The following MLLT3 variants were observed in gnomAD, a reference collection of about 807,000 sequenced individuals.
The protein encoded by MLLT3 is protein AF-9.
MLLT3 carries 4 observed loss-of-function variants against 53.2 expected under a neutral mutation model. The observed-to-expected ratio is 0.08, with a 90% CI of 0.04 to 0.17. The LOEUF is 0.17. Among genes scored for constraint, MLLT3 ranks in the 10% least tolerant of loss-of-function variants. The pLI is 1.00. For missense variants in MLLT3, 569 were observed against 684.0 expected, an observed-to-expected ratio of 0.83 and a Z score of 1.87; for synonymous variants, 283 against 230.6, an observed-to-expected ratio of 1.23 and a Z score of -2.06.
intron 4 of MLLT3, among the ~76,000 whole-genome samples, chr9:20,437,862 G>T (rs1485769853): frequency 2.0e-5 from 3 of 152,110 alleles, no homozygotes; most frequent in Non-Finnish European, 2.9e-5. Context: ...TATCTTTTGT[G>T]TGAAATTCCC....
At position 20,343,483 on chromosome 9, in the gene MLLT3, A is replaced by G. The variant is rs570954148; in HGVS notation, c.*2960T>C. 1.3e-5 allele frequency: 3 copies of G among 225,990 alleles called. No individual in the cohort carries two copies. Among genetic ancestry groups the G allele is most frequent in the Non-Finnish European group, 2.6e-5 (3 of 113,608 alleles). The allele number at this position is 225,990 out of a possible 1,614,324, so 14.0% of individuals were successfully genotyped here. A position where few individuals can be genotyped will look rare whatever the true frequency, so the allele number is the denominator to read the frequency against. On this transcript the variant is annotated 3_prime_UTR_variant, in exon 11 of 11. Transcript: ENST00000380338. ...GAGGATGGTGAAGTAACTGCAAAAT[A>G]TTGTTGCTAACATGACTGTTACATC...
At chr9:20,404,438 A>G (rs1822531109) in intron 5 of MLLT3, among the ~76,000 whole-genome samples, 1 of 152,202 alleles carries the variant, frequency 6.6e-6, no homozygotes, top group Non-Finnish European at 1.5e-5. Flanking sequence ...TGCATCTATA[A>G]TAAGGTGAGC....
intron 10 of MLLT3, 44 bp from the exon 11 acceptor site, chr9:20,346,618 C>T (rs1820876946): frequency 1.3e-6 from 2 of 1,590,154 alleles, no homozygotes; most frequent in Non-Finnish European, 1.7e-6. Context: ...ACGCAGCAAA[C>T]ATCAAAAGGC....
intron 7 of MLLT3, among the ~76,000 whole-genome samples, chr9:20,361,945 A>G (rs1032474793): frequency 1.1e-4 from 17 of 152,252 alleles, no homozygotes; most frequent in African/African-American, 3.9e-4. Context: ...ATAGGAAATG[A>G]AAAGGATACA....
chr9:20,342,972 C>T lies in MLLT3; in HGVS notation c.*3471G>A, dbSNP rs1047692368. 9 of 190,360 alleles carry T rather than the reference C, an allele frequency of 4.7e-5. No individual in the cohort carries two copies. The highest frequency in any genetic ancestry group is 7.1e-5 in the African/African-American group (3 of 42,510). 11.8% of individuals were successfully genotyped at this position (190,360 alleles called of 1,614,324 possible). ...ACTTCTACAGTGACAAAAATAAACACGAGCCACCAAACAGACACTGACTGT... is the reference window on the plus strand; with the variant it reads ...ACTTCTACAGTGACAAAAATAAACATGAGCCACCAAACAGACACTGACTGT... On this transcript the variant is annotated 3_prime_UTR_variant, in exon 11 of 11. Coordinates refer to ENST00000380338, the MANE Select transcript of MLLT3 (RefSeq NM_004529.4).
At chr9:20,383,209 T>C (rs1821945861) in intron 5 of MLLT3, among the ~76,000 whole-genome samples, 1 of 151,904 alleles carries the variant, frequency 6.6e-6, no homozygotes, top group Non-Finnish European at 1.5e-5. Flanking sequence ...TAAGATGTGT[T>C]GGTGAGGAGC....
intron 2 of MLLT3, among the ~76,000 whole-genome samples, chr9:20,606,718 A>T (rs1159454682): frequency 1.3e-5 from 2 of 152,042 alleles, no homozygotes; most frequent in African/African-American, 4.8e-5. Context: ...CAAGTAAGCA[A>T]ATCATACAGG....
chr9:20,377,770 T>C (rs1291462641), intron 5 of MLLT3, among the ~76,000 whole-genome samples: 1 of 152,102 alleles, frequency 6.6e-6, no homozygotes, highest in African/African-American at 2.4e-5. Flanking sequence ...GTTTATTTTA[T>C]TTGCTAAGAA....
At chr9:20,365,170 G>C (rs1176607410) in intron 6 of MLLT3, among the ~76,000 whole-genome samples, 2 of 152,198 alleles carry the variant, frequency 1.3e-5, no homozygotes. Context: ...TCTGATGGCA[G>C]GGACCGGAAA....
chr9:20,453,343 T>C (rs1823883473), intron 3 of MLLT3, among the ~76,000 whole-genome samples: 1 of 152,124 alleles, frequency 6.6e-6, no homozygotes, highest in Non-Finnish European at 1.5e-5. Context: ...GGCAGATCAC[T>C]TGAGCCCAGG....
chr9:20,572,599 G>A (rs562280080), intron 2 of MLLT3, among the ~76,000 whole-genome samples: 64 of 152,310 alleles, frequency 4.2e-4, no homozygotes, highest in African/African-American at 1.4e-3. Context: ...TTCGAGGCCA[G>A]CCTGGCCAAA....
intron 2 of MLLT3, chr9:20,532,667 T>C (rs1008495289): frequency 3.8e-6 from 1 of 263,344 alleles, no homozygotes; most frequent in African/African-American, 2.3e-5. Flanking sequence ...CCTAAGAATT[T>C]TGGCATTGGA....
chr9:20,597,199 G>C (rs1031866471), intron 2 of MLLT3, among the ~76,000 whole-genome samples: 7 of 151,848 alleles, frequency 4.6e-5, no homozygotes, highest in African/African-American at 7.3e-5. Context: ...TCAATTCATA[G>C]GGATCATTAG....
intron 2 of MLLT3, among the ~76,000 whole-genome samples, chr9:20,485,545 T>C (rs1446342209): frequency 6.6e-6 from 1 of 152,200 alleles, no homozygotes; most frequent in Non-Finnish European, 1.5e-5. Flanking sequence ...CTACACTTGT[T>C]TATTTCTCAC....
intron 2 of MLLT3, among the ~76,000 whole-genome samples, chr9:20,470,148 C>G (rs1173374659): frequency 6.6e-6 from 1 of 151,924 alleles, no homozygotes; most frequent in Non-Finnish European, 1.5e-5. Flanking sequence ...GGGTATTTAA[C>G]TAAAAGATGA....
intron 5 of MLLT3, among the ~76,000 whole-genome samples, chr9:20,386,516 G>C (rs754801763): frequency 1.6e-4 from 24 of 152,222 alleles, no homozygotes; most frequent in Non-Finnish European, 1.2e-4. Context: ...GCTTTGTTTG[G>C]AGGCCCAGTC....
At chr9:20,476,245 C>T (rs1212106682) in intron 2 of MLLT3, among the ~76,000 whole-genome samples, 1 of 152,106 alleles carries the variant, frequency 6.6e-6, no homozygotes, top group Non-Finnish European at 1.5e-5. Context: ...AATGCATACA[C>T]TCTTCAGATT....
At chr9:20,537,883 T>A (rs1818526764) in intron 2 of MLLT3, among the ~76,000 whole-genome samples, 1 of 152,198 alleles carries the variant, frequency 6.6e-6, no homozygotes, top group African/African-American at 2.4e-5. Context: ...TTAATCTTCA[T>A]CTTAGCCTAG....
chr9:20,500,984 A>G (rs1825208578), intron 2 of MLLT3, among the ~76,000 whole-genome samples: 1 of 152,210 alleles, frequency 6.6e-6, no homozygotes, highest in South Asian at 2.1e-4. Flanking sequence ...TCATTAGTTT[A>G]AAGTGAATTT....
Sources: gnomAD v4.1 joint callset for allele counts (sites outside exome capture counted in the v4.1 genomes callset) on GRCh38, gnomAD v4.1.1 for gene constraint, MANE v1.5 for transcripts, NCBI Gene and HGNC (gene_info 2026-07-23, HGNC 2026-07-21) for gene names.